PLCL2: variants seen among roughly 807,000 people sequenced by gnomAD.
The protein encoded by PLCL2 is inactive phospholipase C-like protein 2.
In PLCL2, 4 loss-of-function variants were observed where a neutral mutation model predicts 79.6. The ratio of observed to expected loss-of-function variants is 0.05; its 90% CI spans 0.02 to 0.11. The LOEUF is 0.11. Ranked by LOEUF, PLCL2 falls within the 10% of genes least tolerant of loss-of-function variation. The pLI is 1.00. For synonymous variants in PLCL2, 484 were observed against 457.7 expected (o/e 1.06, Z -0.73); for missense variants, 895 against 1,291.0 (o/e 0.69, Z 4.70).
intron 1 of PLCL2, among the ~76,000 whole-genome samples, chr3:16,913,899 G>A (rs529060026): frequency 3.4e-4 from 51 of 152,220 alleles, no homozygotes; most frequent in African/African-American, 1.2e-3. Context: ...TCAGATTATC[G>A]AAATACAGGG....
chr3:17,056,897 C>T (rs2064897284), intron 4 of PLCL2, among the ~76,000 whole-genome samples: 2 of 152,048 alleles, frequency 1.3e-5, no homozygotes, highest in African/African-American at 2.4e-5. Context: ...TGAGGGAATG[C>T]AGGATTTGTA....
chr3:16,980,243 C>A (rs2124986710), intron 1 of PLCL2, among the ~76,000 whole-genome samples: 1 of 139,562 alleles, frequency 7.2e-6, no homozygotes, highest in African/African-American at 2.7e-5. Context: ...CCCTCACCTG[C>A]CGGATGGGGC....
At chr3:17,020,890 A>T (rs537102270) in intron 3 of PLCL2, among the ~76,000 whole-genome samples, 1 of 152,282 alleles carries the variant, frequency 6.6e-6, no homozygotes, top group East Asian at 1.9e-4. Flanking sequence ...GTATGGTGTC[A>T]TATACTTTTT....
At chr3:16,982,451 A>C (rs1245981412) in intron 1 of PLCL2, among the ~76,000 whole-genome samples, 2 of 152,192 alleles carry the variant, frequency 1.3e-5, no homozygotes, top group Non-Finnish European at 2.9e-5. Context: ...TCATCAGTGC[A>C]GCACATTTAT....
At chr3:16,943,681 G>A (rs1022280292) in intron 1 of PLCL2, among the ~76,000 whole-genome samples, 6 of 152,140 alleles carry the variant, frequency 3.9e-5, no homozygotes, top group Non-Finnish European at 7.4e-5. Context: ...GTTATTATCT[G>A]CTTAAAAAAT....
At position 16,957,113 on chromosome 3, in the gene PLCL2, G is replaced by A. The variant is rs561749900; in HGVS notation, c.328-52561G>A. Among the ~76,000 whole-genome samples, 876 of 152,132 alleles carry A rather than the reference G, an allele frequency of 5.8e-3. 15 individuals are homozygous for A. Among genetic ancestry groups the A allele is most frequent in the African/African-American group, 0.02 (847 of 41,508 alleles). ...TGTTGCTTTTCTAGTTCTTTTAATT[G>A]TGATGTTAGGGTGTCAATTTTGGAT... On this transcript the variant is annotated intron_variant, in intron 1 of 5. Transcript: ENST00000615277.
chr3:17,062,366 C>T (rs928268703), intron 4 of PLCL2, among the ~76,000 whole-genome samples: 1 of 152,204 alleles, frequency 6.6e-6, no homozygotes, highest in African/African-American at 2.4e-5. Context: ...TTGTGTCACA[C>T]TTCCAAAGGA....
chr3:16,980,689 C>T (rs190469066), intron 1 of PLCL2, among the ~76,000 whole-genome samples: 21 of 151,340 alleles, frequency 1.4e-4, no homozygotes, highest in Admixed American at 1.1e-3. Flanking sequence ...ACATCCCAGA[C>T]GATGGGCGGC....
intron 4 of PLCL2, among the ~76,000 whole-genome samples, chr3:17,057,583 A>G (rs1355639726): frequency 6.6e-6 from 1 of 152,216 alleles, no homozygotes; most frequent in East Asian, 1.9e-4. Context: ...AAACAATTAT[A>G]GTGAAGCTTC....
chr3:16,903,279 A>C (rs938605236), intron 1 of PLCL2, among the ~76,000 whole-genome samples: 1 of 151,752 alleles, frequency 6.6e-6, no homozygotes, highest in Non-Finnish European at 1.5e-5. Context: ...TATTTGAAAA[A>C]AATTATTTTT....
At chr3:17,057,736 CCTA>C (rs1197523007) in intron 4 of PLCL2, among the ~76,000 whole-genome samples, 9 of 152,174 alleles carry the variant, frequency 5.9e-5, no homozygotes, top group Admixed American at 5.9e-4. Flanking sequence ...CTGTGTTTCT[CCTA>C]CTAGAGTGGA....
chr3:16,957,956 C>G (rs1263223161), intron 1 of PLCL2, among the ~76,000 whole-genome samples: 1 of 152,154 alleles, frequency 6.6e-6, no homozygotes. Flanking sequence ...GAATACAGCA[C>G]ACTGATGGGT....
chr3:17,010,602 C>G lies in PLCL2; in HGVS notation c.1256C>G (p.Pro419Arg), dbSNP rs749649326. ...TCACCTGACTGTTATATATTCGATC[C>G]AGAACATAAGAAGGTCTGTCAGGAT... Reference protein sequence around the residue: ...LMSPDCYIFDPEHKKVCQDMK... With the variant: ...LMSPDCYIFDREHKKVCQDMK... The change falls in exon 2 of 6, where the codon CCA becomes CGA. Residue 419 changes from proline to arginine, a missense_variant. Physicochemically the swap from Pro to Arg is moderately radical, Grantham distance 103. Around this residue, in one of 6 missense-constraint regions of PLCL2, gnomAD observed 242 missense variants for 399.5 expected, o/e 0.61. Coordinates refer to ENST00000615277, the MANE Select transcript of PLCL2 (RefSeq NM_001144382.2). This position sits in a 1 kb window ranked among gnomAD's most constrained non-coding sequence, Gnocchi z 5.8. 2 of 1,614,094 alleles carry G rather than the reference C, an allele frequency of 1.2e-6. No individual in the cohort carries two copies. Among genetic ancestry groups the G allele is most frequent in the East Asian group, 4.5e-5 (2 of 44,886 alleles).
chr3:17,024,526 A>G (rs745351987), intron 3 of PLCL2, among the ~76,000 whole-genome samples: 1 of 152,200 alleles, frequency 6.6e-6, no homozygotes, highest in Non-Finnish European at 1.5e-5. Flanking sequence ...TTTTTGTAGT[A>G]TGCACAGAAT....
chr3:17,059,577 T>C (rs1450770404), intron 4 of PLCL2, among the ~76,000 whole-genome samples: 1 of 151,914 alleles, frequency 6.6e-6, no homozygotes, highest in Non-Finnish European at 1.5e-5. Context: ...CTTACATGCA[T>C]ATATAGATAT....
intron 1 of PLCL2, among the ~76,000 whole-genome samples, chr3:16,991,539 T>C (rs927696377): frequency 5.9e-5 from 9 of 152,232 alleles, no homozygotes; most frequent in Admixed American, 5.9e-4. Context: ...GAAAAATTAA[T>C]TGATAAAGAA....
chr3:17,018,844 C>T lies in PLCL2; in HGVS notation c.3018+3933C>T, dbSNP rs773832397. On this transcript the variant is annotated intron_variant, in intron 3 of 5. Coordinates refer to ENST00000615277, the MANE Select transcript of PLCL2 (RefSeq NM_001144382.2). ...ATAAGCTCTTAGCACGTGCACTGCT[C>T]ACTCATCAACAGCAAGTATTTATTG... is the stretch of plus-strand genomic sequence containing the variant. Among the ~76,000 whole-genome samples, 23 of 152,184 alleles carry T rather than the reference C, an allele frequency of 1.5e-4. 1 individual carries two copies. Among genetic ancestry groups the T allele is most frequent in the Non-Finnish European group, 1.5e-4 (10 of 68,024 alleles).
In PLCL2 at chr3:17,011,333, G is replaced by T; in HGVS notation, c.1987G>T (p.Asp663Tyr). The stretch of plus-strand genomic sequence containing the variant: ...CAAGTACGCCAATGAAAATCCAGGG[G>T]ACTTTGTAAATTACAACAAACGTTT... Reference protein sequence around the residue: ...ASKYANENPGDFVNYNKRFLA... With the variant: ...ASKYANENPGYFVNYNKRFLA... The change falls in exon 2 of 6, where the codon GAC becomes TAC. Residue 663 changes from aspartate to tyrosine, a missense_variant. Transcript: ENST00000615277. The surrounding 1 kb of genome is among the most constrained non-coding windows in gnomAD (Gnocchi z 7.9). The T allele has an allele frequency of 6.2e-7, 1 of 1,614,174 alleles. No individual in the cohort carries two copies. The highest frequency in any genetic ancestry group is 8.5e-7 in the Non-Finnish European group (1 of 1,180,026).
At chr3:16,994,468 C>T (rs1019965689) in intron 1 of PLCL2, among the ~76,000 whole-genome samples, 16 of 152,154 alleles carry the variant, frequency 1.1e-4, no homozygotes, top group African/African-American at 3.9e-4. Context: ...GTCTGTGCCA[C>T]TTCAGCAGAT....
Sources: gnomAD v4.1 joint callset for allele counts (sites outside exome capture counted in the v4.1 genomes callset) on GRCh38, gnomAD v4.1.1 for gene constraint, gnomAD v4.1.1 regional missense constraint, Gnocchi (gnomAD v3.1) non-coding constraint, MANE v1.5 for transcripts, NCBI Gene and HGNC (gene_info 2026-07-23, HGNC 2026-07-21) for gene names.